The following CPS1 variants were observed in gnomAD, a reference collection of about 807,000 sequenced individuals.
The protein encoded by CPS1 is carbamoyl-phosphate synthase 1, also known as carbamoyl-phosphate synthase [ammonia], mitochondrial.
In CPS1, 109 loss-of-function variants were observed where a neutral mutation model predicts 174.6. The ratio of observed to expected loss-of-function variants is 0.62; its 90% CI spans 0.53 to 0.73. The LOEUF is 0.73. Ranked by LOEUF, CPS1 falls within the 30% of genes least tolerant of loss-of-function variation. CPS1 has a pLI of 0.00. For synonymous variants in CPS1, 637 were observed against 632.0 expected (o/e 1.01, Z -0.12); for missense variants, 1,689 against 1,821.9 (o/e 0.93, Z 1.33).
intron 1 of CPS1, among the ~76,000 whole-genome samples, chr2:210,488,046 T>A (rs1694774892): frequency 6.6e-6 from 1 of 152,224 alleles, no homozygotes; most frequent in East Asian, 1.9e-4. Flanking sequence ...GCTGGGGACC[T>A]GTGAGAAACC....
At chr2:210,572,719 G>A (rs1403711439) in intron 1 of CPS1, among the ~76,000 whole-genome samples, 2 of 152,040 alleles carry the variant, frequency 1.3e-5, no homozygotes, top group Non-Finnish European at 2.9e-5. Context: ...GCTTGGTTTT[G>A]TGTCAGCATT....
intron 21 of CPS1, among the ~76,000 whole-genome samples, chr2:210,621,103 C>T (rs920080204): frequency 6.6e-6 from 1 of 152,078 alleles, no homozygotes; most frequent in Non-Finnish European, 1.5e-5. Context: ...TCTCCTTTTC[C>T]ACTTAAACTG....
At position 210,640,045 on chromosome 2, in the gene CPS1, G is replaced by C. The variant is rs121912595; in HGVS notation, c.2945G>C (p.Gly982Ala). ...CATGGAATGATGGTGCTAGGCTGTG[G>C]TCCATATCACATTGGTAAAATAATA... ...DDHGMMVLGC[G>A]PYHIGSSVEF... The change falls in exon 24 of 38, where the codon GGT becomes GCT. Residue 982 changes from glycine (G) to alanine (A), a missense_variant. Coordinates refer to ENST00000233072, the MANE Select transcript of CPS1 (RefSeq NM_001875.5). 1 of 1,605,666 alleles carries C rather than the reference G, an allele frequency of 6.2e-7. No homozygotes were observed. Among genetic ancestry groups the C allele is most frequent in the Non-Finnish European group, 8.5e-7 (1 of 1,172,942 alleles).
intron 1 of CPS1, among the ~76,000 whole-genome samples, chr2:210,482,481 T>A (rs772562012): frequency 1.6e-4 from 25 of 152,012 alleles, no homozygotes; most frequent in Non-Finnish European, 3.4e-4. Flanking sequence ...TTTTTGTATT[T>A]TTAGTAGACA....
At position 210,656,644 on chromosome 2, in the gene CPS1, T is replaced by C; in HGVS notation, c.3666+12T>C. On this transcript the variant is annotated intron_variant, in intron 30 of 37. Transcript: ENST00000233072. ...GGGCCATTGAAAAGGTCATCATTTATAAATAAAAGTGGAAGGGAAAAGGCA... is the reference window on the plus strand; with the variant it reads ...GGGCCATTGAAAAGGTCATCATTTACAAATAAAAGTGGAAGGGAAAAGGCA... 2.5e-6 allele frequency: 4 copies of C among 1,589,282 alleles called. No individual in the cohort carries two copies. Among genetic ancestry groups the C allele is most frequent in the Non-Finnish European group, 3.4e-6 (4 of 1,160,252 alleles).
At chr2:210,625,669 TAGAA>T (rs369146279) in intron 21 of CPS1, among the ~76,000 whole-genome samples, 360 of 152,010 alleles carry the variant, frequency 2.4e-3, no homozygotes, top group Non-Finnish European at 3.9e-3. Context: ...ATAAATGAAA[TAGAA>T]AGACACTTTC....
intron 1 of CPS1, among the ~76,000 whole-genome samples, chr2:210,497,480 A>C (rs562504976): frequency 6.6e-6 from 1 of 152,104 alleles, no homozygotes; most frequent in South Asian, 2.1e-4. Context: ...TTGGGATACA[A>C]ATGATCCCAT....
intron 34 of CPS1, chr2:210,672,775 C>T (rs546083178): frequency 6.6e-6 from 1 of 152,296 alleles, no homozygotes; most frequent in South Asian, 2.1e-4. Flanking sequence ...ATAAGGCAGT[C>T]ATGAATAACC....
chr2:210,506,757 A>G (rs1695300032), intron 1 of CPS1, among the ~76,000 whole-genome samples: 1 of 152,256 alleles, frequency 6.6e-6, no homozygotes, highest in Admixed American at 6.5e-5. Flanking sequence ...CAATTCGATC[A>G]ACTGGAAGAA....
At chr2:210,568,872 A>C (rs1474870136) in intron 1 of CPS1, among the ~76,000 whole-genome samples, 2 of 152,162 alleles carry the variant, frequency 1.3e-5, no homozygotes, top group African/African-American at 2.4e-5. Context: ...AATTATATGC[A>C]GTGTAAGATG....
chr2:210,505,962 C>CA (rs1186778325), intron 1 of CPS1, among the ~76,000 whole-genome samples: 1 of 118 alleles, frequency 8.5e-3, no homozygotes. Flanking sequence ...CCTCTGGGGG[C>CA]AGGCATAGCC....
At chr2:210,545,250 T>A (rs1325791479) in intron 1 of CPS1, among the ~76,000 whole-genome samples, 1 of 152,116 alleles carries the variant, frequency 6.6e-6, no homozygotes, top group Non-Finnish European at 1.5e-5. Context: ...GATTTTGATG[T>A]GGCTCATCTT....
chr2:210,497,744 T>C (rs1210536015), intron 1 of CPS1, among the ~76,000 whole-genome samples: 1 of 151,794 alleles, frequency 6.6e-6, no homozygotes, highest in Non-Finnish European at 1.5e-5. Context: ...TGTGGCTGTT[T>C]AGTATCCCAT....
chr2:210,637,422 C>T (rs1700072286), intron 21 of CPS1, among the ~76,000 whole-genome samples: 1 of 152,074 alleles, frequency 6.6e-6, no homozygotes, highest in South Asian at 2.1e-4. Context: ...TTTATTAGAA[C>T]AGTAAATGCA....
At chr2:210,492,444 A>G (rs1463302677) in intron 1 of CPS1, among the ~76,000 whole-genome samples, 1 of 152,228 alleles carries the variant, frequency 6.6e-6, no homozygotes, top group Non-Finnish European at 1.5e-5. Context: ...AAGTTTGATC[A>G]TCTGCAGAAA....
chr2:210,674,661 A>C, intron 34 of CPS1: 1 of 543,534 alleles, frequency 1.8e-6, no homozygotes, highest in Non-Finnish European at 3.3e-6. Flanking sequence ...GAATAAAAGG[A>C]GATAAGAACA....
chr2:210,563,139 A>G lies in CPS1; in HGVS notation c.126+6280A>G, dbSNP rs13432514. On this transcript the variant is annotated intron_variant, in intron 1 of 37. Coordinates refer to ENST00000233072, the MANE Select transcript of CPS1 (RefSeq NM_001875.5). ...GATCTTTTTAATTTGAAGTTTTGTT[A>G]TTGTACTTATATACCCGATGCCATA... Among the ~76,000 whole-genome samples the G allele has an allele frequency of 1.5e-3, 234 of 152,250 alleles. 2 individuals carry two copies. The highest frequency in any genetic ancestry group is 5.3e-3 in the African/African-American group (221 of 41,584).
chr2:210,561,146 T>C (rs1270855099), intron 1 of CPS1, among the ~76,000 whole-genome samples: 3 of 152,194 alleles, frequency 2.0e-5, no homozygotes, highest in Admixed American at 6.5e-5. Context: ...CTTGACATTA[T>C]GAGCTTCTTG....
chr2:210,639,236 C>T (rs903007259), intron 23 of CPS1, 21 bp downstream of exon 23: 24 of 1,571,736 alleles, frequency 1.5e-5, no homozygotes, highest in African/African-American at 2.7e-5. Context: ...GCAAATTGGC[C>T]TATCCAGAAA....
Sources: allele counts gnomAD v4.1 joint callset (sites outside exome capture counted in the v4.1 genomes callset), GRCh38; gene constraint gnomAD v4.1.1; transcripts MANE v1.5; gene names NCBI Gene and HGNC (gene_info 2026-07-23, HGNC 2026-07-21).